The following RBFOX1 variants were observed in gnomAD, a reference collection of about 807,000 sequenced individuals.
RBFOX1 encodes RNA binding protein fox-1 homolog 1.
A neutral mutation model predicts 57.7 loss-of-function variants in RBFOX1; 8 were observed. The observed-to-expected ratio is 0.14, with a 90% CI of 0.08 to 0.25. The LOEUF (loss-of-function observed/expected upper bound fraction) is 0.25, where lower values mean the gene tolerates loss of function less well. Among genes scored for constraint, RBFOX1 ranks in the 10% least tolerant of loss-of-function variants. The pLI, the probability that RBFOX1 is intolerant of heterozygous loss-of-function variation, is 1.00. For synonymous variants in RBFOX1, 326 were observed against 222.4 expected, an observed-to-expected ratio of 1.47 and a Z score of -4.15; for missense variants, 611 against 548.5, an observed-to-expected ratio of 1.11 and a Z score of -1.14.
intron 3 of RBFOX1, among the ~76,000 whole-genome samples, chr16:6,841,501 G>A (rs1049181006): frequency 6.6e-6 from 1 of 152,182 alleles, no homozygotes; most frequent in African/African-American, 2.4e-5. Flanking sequence ...TAATGCGGTA[G>A]ATCTGGATGA....
In RBFOX1 at chr16:5,425,796, C is replaced by G. The variant is rs150392335; in HGVS notation, c.220-41420C>G. Among the ~76,000 whole-genome samples, 6 of 152,148 alleles carry G rather than the reference C, an allele frequency of 3.9e-5. No homozygotes were observed. The South Asian group carries it at 8.3e-4, about 21-fold the overall frequency. On this transcript the variant is annotated intron_variant, in intron 1 of 2. Transcript: ENST00000585867. ...CTTCCAGATCACCTGGAACCCCCCA[C>G]GTCCCTGAAAGCTGGGCTTGGCGAG...
At chr16:7,284,103 A>G (rs966519509) in intron 4 of RBFOX1, among the ~76,000 whole-genome samples, 10 of 152,226 alleles carry the variant, frequency 6.6e-5, no homozygotes, top group Admixed American at 6.5e-5. Context: ...AGTTGCATCT[A>G]TCAACAGTTC....
intron 4 of RBFOX1, among the ~76,000 whole-genome samples, chr16:7,292,246 T>TATATCATC (rs747339632): frequency 1.0e-5 from 1 of 96,016 alleles, no homozygotes; most frequent in Non-Finnish European, 1.9e-5. Flanking sequence ...TTATATATCA[T>TATATCATC]ATATATGATA....
intron 1 of RBFOX1, among the ~76,000 whole-genome samples, chr16:5,331,993 T>A (rs1273308413): frequency 6.6e-6 from 1 of 152,226 alleles, no homozygotes; most frequent in Non-Finnish European, 1.5e-5. Flanking sequence ...TGGACCTATT[T>A]CTAGCCTCTG....
intron 3 of RBFOX1, among the ~76,000 whole-genome samples, chr16:6,748,300 T>A (rs1418103119): frequency 1.3e-5 from 2 of 151,874 alleles, no homozygotes; most frequent in African/African-American, 2.4e-5. Context: ...CACACGCAAA[T>A]ACATACACAC....
chr16:5,747,605 T>A (rs1317045484), intron 3 of RBFOX1, among the ~76,000 whole-genome samples: 1 of 152,198 alleles, frequency 6.6e-6, no homozygotes. Context: ...TGGTTTAGTC[T>A]TGGGAGGGTG....
intron 2 of RBFOX1, among the ~76,000 whole-genome samples, chr16:6,406,239 G>A (rs2093276347): frequency 6.6e-6 from 1 of 152,134 alleles, no homozygotes; most frequent in Non-Finnish European, 1.5e-5. Context: ...CTTTACAGAG[G>A]CAATACCCAT....
rs568317495 is a variant in RBFOX1 at position 6,811,804 on chromosome 16, G to T, written c.-16+157154G>T. On this transcript the variant is annotated intron_variant, in intron 3 of 15. Coordinates refer to ENST00000550418, the MANE Select transcript of RBFOX1 (RefSeq NM_018723.4). ...CTGGGGAGGCTGAGGCAGGAGAATC[G>T]CTTGAACCTGGGAGGCAGAGGTTAC... Among the ~76,000 whole-genome samples the T allele has an allele frequency of 7.2e-5, 11 of 152,266 alleles. No homozygotes were observed. The East Asian group carries it at 2.1e-3, about 29-fold the overall frequency.
At chr16:7,388,354 A>G (rs941041156) in intron 4 of RBFOX1, among the ~76,000 whole-genome samples, 8 of 152,240 alleles carry the variant, frequency 5.3e-5, no homozygotes, top group Non-Finnish European at 8.8e-5. Context: ...AATTATTTTC[A>G]GCTGATGAAT....
At chr16:6,247,101 C>T (rs961964155) in intron 1 of RBFOX1, among the ~76,000 whole-genome samples, 12 of 152,182 alleles carry the variant, frequency 7.9e-5, no homozygotes, top group African/African-American at 2.7e-4. Context: ...ATTCTGACCA[C>T]TGTAGCATTG....
intron 1 of RBFOX1, among the ~76,000 whole-genome samples, chr16:5,355,506 G>A (rs887371441): frequency 6.6e-6 from 1 of 152,194 alleles, no homozygotes; most frequent in South Asian, 2.1e-4. Flanking sequence ...GAGGTCAGCT[G>A]AAGCTGGGTT....
chr16:7,302,574 C>G (rs2096059892), intron 4 of RBFOX1, among the ~76,000 whole-genome samples: 1 of 150,770 alleles, frequency 6.6e-6, no homozygotes, highest in Admixed American at 6.6e-5. Context: ...AGGTTTCTTT[C>G]AGGAAGCCCA....
At chr16:6,733,360 T>C (rs1355862779) in intron 3 of RBFOX1, among the ~76,000 whole-genome samples, 1 of 152,188 alleles carries the variant, frequency 6.6e-6, no homozygotes, top group Non-Finnish European at 1.5e-5. Flanking sequence ...CCAGATATGC[T>C]GAACTGATCT....
At chr16:6,644,587 C>G (rs1196965009) in intron 2 of RBFOX1, among the ~76,000 whole-genome samples, 1 of 152,124 alleles carries the variant, frequency 6.6e-6, no homozygotes, top group Admixed American at 6.6e-5. Context: ...TATTTGAGTC[C>G]AGGAGAACAA....
chr16:7,131,925 T>C (rs759178137), intron 4 of RBFOX1, among the ~76,000 whole-genome samples: 9 of 152,050 alleles, frequency 5.9e-5, no homozygotes, highest in Non-Finnish European at 1.0e-4. Flanking sequence ...AAGTGGTTCT[T>C]AATCTCACTG....
chr16:7,384,323 G>C (rs552743691), intron 4 of RBFOX1, among the ~76,000 whole-genome samples: 1 of 152,184 alleles, frequency 6.6e-6, no homozygotes, highest in East Asian at 1.9e-4. Flanking sequence ...TAGTGTTGCT[G>C]CTGAAAATTT....
intron 4 of RBFOX1, among the ~76,000 whole-genome samples, chr16:5,922,509 G>A (rs926367055): frequency 8.5e-5 from 13 of 152,148 alleles, no homozygotes; most frequent in East Asian, 1.9e-4. Context: ...GCAGAGGAGA[G>A]CCCAGGCACA....
At chr16:7,682,971 G>C (rs1472516785) in intron 14 of RBFOX1, among the ~76,000 whole-genome samples, 4 of 36,588 alleles carry the variant, frequency 1.1e-4, no homozygotes, top group Admixed American at 3.1e-4. Context: ...AAGCACACAT[G>C]CCAGATAAAT....
intron 4 of RBFOX1, among the ~76,000 whole-genome samples, chr16:7,497,887 G>A (rs1292045415): frequency 6.6e-6 from 1 of 152,182 alleles, no homozygotes; most frequent in African/African-American, 2.4e-5. Flanking sequence ...GAGCTCTGTA[G>A]GCTATTTGTA....
Sources: gnomAD v4.1 joint callset for allele counts (sites outside exome capture counted in the v4.1 genomes callset) on GRCh38, gnomAD v4.1.1 for gene constraint, MANE v1.5 for transcripts, NCBI Gene and HGNC (gene_info 2026-07-23, HGNC 2026-07-21) for gene names.